NRXN3: variants seen among roughly 807,000 people sequenced by gnomAD.
The protein encoded by NRXN3 is neurexin III.
In NRXN3, 32 loss-of-function variants were observed where a neutral mutation model predicts 137.6. That is an observed-to-expected ratio of 0.23 (90% CI 0.18 to 0.31). The LOEUF (loss-of-function observed/expected upper bound fraction) is 0.31, where lower values mean the gene tolerates loss of function less well. NRXN3 is among the 10% of genes least tolerant of loss of function. NRXN3 has a pLI of 1.00. For synonymous variants in NRXN3, 798 were observed against 784.5 expected (o/e 1.02, Z -0.29); for missense variants, 1,574 against 2,062.5 (o/e 0.76, Z 4.59).
Position 78,538,846 on chromosome 14 carries a change from G to A in NRXN3, c.758-106274G>A, listed in dbSNP as rs1417639218. 3.3e-5 allele frequency among the ~76,000 whole-genome samples: 5 copies of A among 152,142 alleles called. No individual in the cohort carries two copies. In the East Asian group the frequency reaches 5.8e-4, roughly 18 times the overall value. On this transcript the variant is annotated intron_variant, in intron 4 of 20. Coordinates refer to ENST00000335750, the MANE Select transcript of NRXN3 (RefSeq NM_001330195.2). ...GAAAGGCTGTTGAATTTTGTGGAAGGCCTTTTCTGCATCTATTGAGATAAT... is the reference window on the plus strand; with the variant it reads ...GAAAGGCTGTTGAATTTTGTGGAAGACCTTTTCTGCATCTATTGAGATAAT...
chr14:78,496,921 A>G (rs1049085664), intron 4 of NRXN3, among the ~76,000 whole-genome samples: 1 of 152,064 alleles, frequency 6.6e-6, no homozygotes, highest in African/African-American at 2.4e-5. Context: ...CAGAGTCTTG[A>G]GCAGTCTTAA....
At chr14:79,316,106 T>C (rs2088608864) in intron 15 of NRXN3, among the ~76,000 whole-genome samples, 1 of 152,196 alleles carries the variant, frequency 6.6e-6, no homozygotes, top group Non-Finnish European at 1.5e-5. Context: ...GTATGATTCT[T>C]ATTTCTTCAC....
chr14:79,458,841 A>G (rs1238636503), intron 15 of NRXN3, among the ~76,000 whole-genome samples: 1 of 152,130 alleles, frequency 6.6e-6, no homozygotes, highest in African/African-American at 2.4e-5. Flanking sequence ...GGAATGGACT[A>G]TTATCTGACC....
At chr14:79,470,988 GTGTGTGTGT>G (rs777025869) in intron 16 of NRXN3, among the ~76,000 whole-genome samples, 1 of 138,314 alleles carries the variant, frequency 7.2e-6, no homozygotes. Context: ...GTGTGTGTGT[GTGTGTGTGT>G]TGGGGAGAAG....
At chr14:79,291,362 AG>A (rs1253804110) in intron 15 of NRXN3, among the ~76,000 whole-genome samples, 1 of 151,874 alleles carries the variant, frequency 6.6e-6, no homozygotes, top group Non-Finnish European at 1.5e-5. Context: ...AAGTAGGTGG[AG>A]TTGTTTTCCC....
At chr14:79,122,055 G>A (rs2055536634) in intron 15 of NRXN3, among the ~76,000 whole-genome samples, 1 of 152,130 alleles carries the variant, frequency 6.6e-6, no homozygotes, top group South Asian at 2.1e-4. Context: ...ACCTTTGTTT[G>A]CCAACTTATT....
Position 78,361,043 on chromosome 14 carries a change from A to G in NRXN3, c.757+63183A>G, listed in dbSNP as rs150543216. On this transcript the variant is annotated intron_variant, in intron 4 of 20. Coordinates refer to ENST00000335750, the MANE Select transcript of NRXN3 (RefSeq NM_001330195.2). ...TCACTGATTTATGATCATCTATGAT[A>G]TTACAGAGAGCCTGGTAGTGTTGGG... 9.6e-4 allele frequency among the ~76,000 whole-genome samples: 147 copies of G among 152,340 alleles called. 1 individual carries two copies. In the East Asian group the frequency reaches 0.023, roughly 23 times the overall value.
intron 4 of NRXN3, among the ~76,000 whole-genome samples, chr14:78,335,540 T>C (rs1361269437): frequency 1.3e-5 from 2 of 152,230 alleles, no homozygotes; most frequent in Non-Finnish European, 2.9e-5. Context: ...TAATGTATAA[T>C]ATATTAATTA....
At chr14:79,215,460 T>C (rs1239618897) in intron 15 of NRXN3, among the ~76,000 whole-genome samples, 1 of 152,084 alleles carries the variant, frequency 6.6e-6, no homozygotes, top group Non-Finnish European at 1.5e-5. Context: ...ACTGGGCAAT[T>C]TGCAAAAGAA....
intron 4 of NRXN3, among the ~76,000 whole-genome samples, chr14:78,620,444 A>G (rs544282592): frequency 6.6e-6 from 1 of 152,176 alleles, no homozygotes; most frequent in South Asian, 2.1e-4. Context: ...ATCACTGCAG[A>G]GTAGCTAGCA....
chr14:79,691,035 G>A (rs1459015853), intron 17 of NRXN3, among the ~76,000 whole-genome samples: 42 of 151,994 alleles, frequency 2.8e-4, no homozygotes, highest in Non-Finnish European at 2.9e-5. Flanking sequence ...ACTAATTTCT[G>A]CCAGATCAAT....
rs190589961 is a variant in NRXN3, at chr14:79,693,921, T to A, written c.3706+1659T>A. Among the ~76,000 whole-genome samples, 594 of 151,942 alleles carry A rather than the reference T, an allele frequency of 3.9e-3. 6 individuals are homozygous for A. Among genetic ancestry groups the A allele is most frequent in the African/African-American group, 0.014 (581 of 41,464 alleles). On this transcript the variant is annotated intron_variant, in intron 18 of 20. Coordinates refer to ENST00000335750, the MANE Select transcript of NRXN3 (RefSeq NM_001330195.2). The stretch of plus-strand genomic sequence containing the variant: ...CTACATTTTGTTCTCTGAAAAAAAA[T>A]TTTTGTTGTAATTTGGGTGAGTAAC...
chr14:78,499,534 C>T (rs2095846877), intron 4 of NRXN3, among the ~76,000 whole-genome samples: 1 of 152,212 alleles, frequency 6.6e-6, no homozygotes, highest in African/African-American at 2.4e-5. Flanking sequence ...CTGTTTAACA[C>T]ATTTCCACAA....
At chr14:79,459,405 A>T (rs1031154574) in intron 15 of NRXN3, among the ~76,000 whole-genome samples, 1 of 152,022 alleles carries the variant, frequency 6.6e-6, no homozygotes, top group African/African-American at 2.4e-5. Flanking sequence ...ATCCAATAAG[A>T]CTGATGCTCT....
intron 19 of NRXN3, among the ~76,000 whole-genome samples, chr14:79,743,328 A>G (rs1477743405): frequency 6.6e-6 from 1 of 152,204 alleles, no homozygotes; most frequent in Non-Finnish European, 1.5e-5. Flanking sequence ...AAAGTATTAG[A>G]AGAGATCAGT....
chr14:79,426,621 C>A (rs940947303), intron 15 of NRXN3, among the ~76,000 whole-genome samples: 1 of 152,156 alleles, frequency 6.6e-6, no homozygotes, highest in Non-Finnish European at 1.5e-5. Flanking sequence ...GGTTAACGTG[C>A]TGTGTTTATT....
chr14:79,399,045 A>AAG (rs2095113600), intron 15 of NRXN3, among the ~76,000 whole-genome samples: 5 of 146,796 alleles, frequency 3.4e-5, no homozygotes, highest in Non-Finnish European at 5.9e-5. Context: ...AAAAAAAAAA[A>AAG]GCTGGGAGTT....
At position 79,234,462 on chromosome 14, in the gene NRXN3, C is replaced by G. The variant is rs550998052; in HGVS notation, c.3263-232759C>G. Among the ~76,000 whole-genome samples, 23 of 149,734 alleles carry G rather than the reference C, an allele frequency of 1.5e-4. 1 individual carries two copies. The highest frequency in any genetic ancestry group is 5.7e-4 in the African/African-American group (23 of 40,686). On this transcript the variant is annotated intron_variant, in intron 15 of 20. Coordinates refer to ENST00000335750, the MANE Select transcript of NRXN3 (RefSeq NM_001330195.2). Reference sequence around the variant, plus strand: ...GTAGTGGCATGATCTCAGCTTACTGCAACCTCCACCTCCTGAGGTTCAAGC... The same window carrying G: ...GTAGTGGCATGATCTCAGCTTACTGGAACCTCCACCTCCTGAGGTTCAAGC...
intron 15 of NRXN3, among the ~76,000 whole-genome samples, chr14:79,157,031 T>G (rs371141574): frequency 3.1e-4 from 47 of 151,886 alleles, no homozygotes; most frequent in Middle Eastern, 3.4e-3. Context: ...AGCTAGAGAT[T>G]ACCTCAACTT....
Sources: allele counts gnomAD v4.1 joint callset (sites outside exome capture counted in the v4.1 genomes callset), GRCh38; gene constraint gnomAD v4.1.1; transcripts MANE v1.5; gene names NCBI Gene and HGNC (gene_info 2026-07-23, HGNC 2026-07-21).